BCR: variants seen among roughly 807,000 people sequenced by gnomAD.
BCR encodes BCR activator of RhoGEF and GTPase.
Under a neutral mutation model 138.6 loss-of-function variants are expected in BCR, and 58 were observed. That is an observed-to-expected ratio of 0.42 (90% CI 0.34 to 0.52). The LOEUF (loss-of-function observed/expected upper bound fraction) is 0.52. BCR is among the 20% of genes least tolerant of loss of function. The pLI is 0.06. For synonymous variants in BCR, 786 were observed against 730.1 expected (o/e 1.08, Z -1.23); for missense variants, 1,599 against 1,727.2 (o/e 0.93, Z 1.32).
In BCR at chr22:23,305,191, A is replaced by G. The variant is rs151312326; in HGVS notation, c.3013-4233A>G. 2.9e-3 allele frequency among the ~76,000 whole-genome samples: 438 copies of G among 151,740 alleles called. 4 individuals carry two copies. The highest frequency in any genetic ancestry group is 0.01 in the African/African-American group (419 of 41,364). On this transcript the variant is annotated intron_variant, in intron 16 of 22. Transcript: ENST00000305877. Reference sequence around the variant, plus strand: ...CATAGACTACAGCAGGAGGCCTGTAATCTCTCTCCTGGTGAACACAGAGGT... The same window carrying G: ...CATAGACTACAGCAGGAGGCCTGTAGTCTCTCTCCTGGTGAACACAGAGGT...
intron 1 of BCR, among the ~76,000 whole-genome samples, chr22:23,200,516 T>G (rs563138774): frequency 5.3e-5 from 8 of 152,004 alleles, no homozygotes; most frequent in Admixed American, 2.6e-4. Context: ...AAGGTTTCAC[T>G]ATGTTGCCCA....
At chr22:23,285,270 G>C (rs1351886938) in intron 10 of BCR, 69 bp downstream of exon 10, 7 of 1,505,944 alleles carry the variant, frequency 4.6e-6, no homozygotes, top group Non-Finnish European at 6.3e-6. Context: ...CACACGGCCA[G>C]TGGGTGCTTT....
intron 20 of BCR, 55 bp from the exon 21 acceptor site, chr22:23,313,913 G>T (rs1162358079): frequency 2.1e-6 from 3 of 1,435,786 alleles, no homozygotes; most frequent in Non-Finnish European, 2.9e-6. Flanking sequence ...TGAACACCTC[G>T]GGAGAGGTCT....
At chr22:23,209,645 C>T (rs2072659181) in intron 1 of BCR, among the ~76,000 whole-genome samples, 1 of 151,914 alleles carries the variant, frequency 6.6e-6, no homozygotes, top group Non-Finnish European at 1.5e-5. Context: ...CTCCCGGGTT[C>T]ACACCATTCT....
rs1443906871 is a variant in BCR, at chr22:23,318,027, T to G, written c.*2505T>G. 6.0e-6 allele frequency: 1 copy of G among 166,376 alleles called. No individual in the cohort carries two copies. The highest frequency in any genetic ancestry group is 2.4e-5 in the African/African-American group (1 of 41,158). The allele number at this position is 166,376 out of a possible 1,614,324, so 10.3% of individuals were successfully genotyped here. On this transcript the variant is annotated 3_prime_UTR_variant, in exon 23 of 23. Transcript: ENST00000305877. ...TGGCCGACACTTTCATTAAAAAGTT[T>G]CCTGAGACGACTTGCGTGCATGTTG...
intron 1 of BCR, chr22:23,199,140 T>A: frequency 3.1e-6 from 1 of 323,562 alleles, no homozygotes; most frequent in Non-Finnish European, 6.3e-6. Flanking sequence ...AAAAAAAGAA[T>A]TTGGCCCTAA....
At chr22:23,221,986 G>A (rs963011613) in intron 1 of BCR, among the ~76,000 whole-genome samples, 1 of 152,172 alleles carries the variant, frequency 6.6e-6, no homozygotes, top group African/African-American at 2.4e-5. Context: ...AGCTACTTGG[G>A]AGGCTGAGGC....
intron 1 of BCR, among the ~76,000 whole-genome samples, chr22:23,248,838 A>G (rs1303705237): frequency 6.6e-6 from 1 of 152,186 alleles, no homozygotes; most frequent in Non-Finnish European, 1.5e-5. Context: ...TGATGAGACC[A>G]TCAACCTCAG....
At chr22:23,247,128 T>G (rs2073166234) in intron 1 of BCR, among the ~76,000 whole-genome samples, 1 of 152,128 alleles carries the variant, frequency 6.6e-6, no homozygotes, top group South Asian at 2.1e-4. Context: ...TAGAAGTCGC[T>G]GGCACCATGC....
rs1032161132 is a variant in BCR, at chr22:23,180,773, C to T, written c.-188C>T. The T allele has an allele frequency of 5.7e-6, 1 of 174,258 alleles. No homozygotes were observed. The highest frequency in any genetic ancestry group is 1.1e-5 in the Non-Finnish European group (1 of 91,194). 10.8% of individuals were successfully genotyped at this position (174,258 alleles called of 1,614,324 possible). On this transcript the variant is annotated 5_prime_UTR_variant, in exon 1 of 23. Coordinates refer to ENST00000305877, the MANE Select transcript of BCR (RefSeq NM_004327.4). ...CGCCCTTCCCCCCGGCGCGCCCCGC[C>T]CCGCGCGCCGAGCGCCCCGCTCCGC...
chr22:23,261,639 C>T (rs2073357959), intron 4 of BCR, 99 bp downstream of exon 4: 2 of 1,332,364 alleles, frequency 1.5e-6, no homozygotes, highest in South Asian at 2.6e-5. Flanking sequence ...GCTATGTTGG[C>T]CAGGCTGGTC....
At chr22:23,192,998 C>T (rs1369729899) in intron 1 of BCR, among the ~76,000 whole-genome samples, 2 of 152,152 alleles carry the variant, frequency 1.3e-5, no homozygotes, top group African/African-American at 4.8e-5. Context: ...GAGCCTTGTG[C>T]AGCAGCCACA....
chr22:23,312,240 C>G (rs937451061), intron 19 of BCR: 1 of 212,650 alleles, frequency 4.7e-6, no homozygotes, highest in Non-Finnish European at 9.5e-6. Flanking sequence ...CCAACCCTCA[C>G]AGGCTATGAA....
intron 8 of BCR, among the ~76,000 whole-genome samples, chr22:23,282,850 T>C (rs965852655): frequency 6.6e-6 from 1 of 152,198 alleles, no homozygotes; most frequent in Admixed American, 6.5e-5. Context: ...GTGGGCTGGG[T>C]GCCCACTAAA....
intron 2 of BCR, chr22:23,254,470 T>C: frequency 3.9e-6 from 2 of 518,580 alleles, no homozygotes; most frequent in East Asian, 1.1e-4. Context: ...AAGGTGAAAC[T>C]GAAGTCCAGT....
intron 12 of BCR, 84 bp from the exon 13 acceptor site, chr22:23,289,433 G>GTGT: frequency 8.6e-7 from 1 of 1,162,490 alleles, no homozygotes. Context: ...CTTCCCCAGG[G>GTGT]TGTGTGGTGG....
chr22:23,244,548 C>G (rs1015029461), intron 1 of BCR, among the ~76,000 whole-genome samples: 2 of 152,164 alleles, frequency 1.3e-5, no homozygotes, highest in Non-Finnish European at 2.9e-5. Context: ...TGCCACCTGC[C>G]TCTCTCCCGT....
At chr22:23,212,937 G>A (rs2072703601) in intron 1 of BCR, among the ~76,000 whole-genome samples, 1 of 152,230 alleles carries the variant, frequency 6.6e-6, no homozygotes, top group South Asian at 2.1e-4. Flanking sequence ...CAATGTGAGG[G>A]ACGGCAGCTT....
chr22:23,195,415 C>T (rs1394414184), intron 1 of BCR, among the ~76,000 whole-genome samples: 5 of 123,450 alleles, frequency 4.1e-5, no homozygotes, highest in Non-Finnish European at 8.4e-5. Context: ...AGCGAAACTC[C>T]GTCTCAAAAA....
Sources: gnomAD v4.1 joint callset for allele counts (sites outside exome capture counted in the v4.1 genomes callset) on GRCh38, gnomAD v4.1.1 for gene constraint, MANE v1.5 for transcripts, NCBI Gene and HGNC (gene_info 2026-07-23, HGNC 2026-07-21) for gene names.